Variants in ESD observed in about 807,000 individuals in gnomAD.
ESD encodes the protein esterase D.
A neutral mutation model predicts 38.1 loss-of-function variants in ESD; 34 were observed. The observed-to-expected ratio is 0.89, with a 90% CI of 0.68 to 1.19. The LOEUF is 1.19. Ranked by LOEUF, ESD falls within the 50% of genes most tolerant of loss-of-function variation. ESD has a pLI of 0.00. For synonymous variants in ESD, 97 were observed against 107.0 expected (o/e 0.91, Z 0.58); for missense variants, 334 against 327.2 (o/e 1.02, Z -0.16).
rs528191360 is a variant in ESD, at chr13:46,776,803, T to G, written c.768+653A>C. On this transcript the variant is annotated intron_variant, in intron 9 of 9. Transcript: ENST00000378720. Reference sequence around the variant, plus strand: ...ATAATTTTCAGTGCTCATTTTTCACTCTAAAATATTTTAAATTATATTCTG... The same window carrying G: ...ATAATTTTCAGTGCTCATTTTTCACGCTAAAATATTTTAAATTATATTCTG... 4 of 152,178 alleles carry G rather than the reference T, an allele frequency of 2.6e-5. No individual in the cohort carries two copies. The East Asian group carries it at 7.7e-4, about 29-fold the overall frequency. 9.4% of individuals were successfully genotyped at this position (152,178 alleles called of 1,614,324 possible).
In ESD at chr13:46,784,267, G is replaced by C. The variant is rs147452850; in HGVS notation, c.241C>G (p.Pro81Ala). 5.0e-6 allele frequency: 8 copies of C among 1,611,428 alleles called. No homozygotes were observed. Among genetic ancestry groups the C allele is most frequent in the Non-Finnish European group, 5.9e-6 (7 of 1,178,602 alleles). Residue 81 changes from proline to alanine, a missense_variant, in exon 5 of 10, where the codon CCA (proline) becomes GCA (alanine). Transcript: ENST00000378720. ...ASEHGLVVIA[P>A]DTSPRGCNIK... ...AAACACTTACGAGGGCTGGTATCTG[G>C]AGCAATGACAACAAGACCATGTTCT... is the stretch of plus-strand genomic sequence containing the variant.
rs772298057 is a variant in ESD at position 46,777,526 on chromosome 13, T to A, written c.698A>T (p.Gln233Leu). Residue 233 changes from glutamine (Q) to leucine (L), a missense_variant, in exon 9 of 10, where the codon CAG becomes CTG. By Grantham distance (113) the Gln-to-Leu change is moderately radical. Transcript: ENST00000378720. ...AGCTATGAAGTTATCAGGGAGTAAC[T>A]GTCCATCTAAAAGAAACTGGTCATC... The part of the protein sequence containing the change: ...GKDDQFLLDG[Q>L]LLPDNFIAAC... The A allele has an allele frequency of 6.2e-7, 1 of 1,611,618 alleles. No homozygotes were observed. Among genetic ancestry groups the A allele is most frequent in the Non-Finnish European group, 8.5e-7 (1 of 1,178,342 alleles).
intron 5 of ESD, 82 bp downstream of exon 5, chr13:46,784,170 T>C (rs1167687972): frequency 1.9e-6 from 2 of 1,053,168 alleles, no homozygotes; most frequent in Admixed American, 4.7e-5. Context: ...AAATGAATTG[T>C]ATAATGTATA....
chr13:46,782,789 C>T lies in ESD; in HGVS notation c.259G>A (p.Gly87Ser), dbSNP rs1318896889. Residue 87 changes from glycine to serine, a missense_variant and splice_region_variant, in exon 6 of 10, where the codon GGC becomes AGC. Transcript: ENST00000378720. Reference sequence around the variant, plus strand: ...TCATCTTCACCTTTAATATTGCAGCCACCTATCAAGAAACAATCTTGTGGT... The same window carrying T: ...TCATCTTCACCTTTAATATTGCAGCTACCTATCAAGAAACAATCTTGTGGT... ...VVIAPDTSPR[G>S]CNIKGEDESW... is the part of the protein sequence containing the mutation. The T allele has an allele frequency of 6.2e-7, 1 of 1,611,840 alleles. No homozygotes were observed. The highest frequency in any genetic ancestry group is 1.1e-5 in the South Asian group (1 of 90,962).
At chr13:46,784,064 T>C (rs112314885) in intron 5 of ESD, among the ~76,000 whole-genome samples, 188 bp downstream of exon 5, 21 of 152,138 alleles carry the variant, frequency 1.4e-4, no homozygotes, top group African/African-American at 5.1e-4. Context: ...ATAAAGGCCA[T>C]GTCATGAGTA....
At chr13:46,795,775 C>T (rs1197083021) in intron 1 of ESD, among the ~76,000 whole-genome samples, 4 of 146,024 alleles carry the variant, frequency 2.7e-5, no homozygotes, top group African/African-American at 1.0e-4. Flanking sequence ...TTTTTTGAGA[C>T]AGGGTCAAAC....
At chr13:46,791,564 A>G (rs896832967) in intron 2 of ESD, 144 bp from the exon 3 acceptor site, 16 of 617,246 alleles carry the variant, frequency 2.6e-5, no homozygotes, top group Non-Finnish European at 4.5e-5. Context: ...TCTCCAGTAA[A>G]TAATATTAAG....
At chr13:46,775,887 G>C (rs1469112347) in intron 9 of ESD, 1 of 278,908 alleles carries the variant, frequency 3.6e-6, no homozygotes, top group Admixed American at 5.2e-5. Flanking sequence ...TTCCCTCCAG[G>C]AATGTCATCA....
intron 9 of ESD, among the ~76,000 whole-genome samples, chr13:46,773,783 C>T (rs1319703714): frequency 1.3e-5 from 2 of 152,162 alleles, no homozygotes; most frequent in Non-Finnish European, 2.9e-5. Flanking sequence ...AGCTGAGCCT[C>T]GGAATTACTT....
At chr13:46,790,357 GTC>G (rs1043476577) in intron 3 of ESD, among the ~76,000 whole-genome samples, 87 of 152,140 alleles carry the variant, frequency 5.7e-4, no homozygotes, top group Middle Eastern at 3.4e-3. Flanking sequence ...TTACTGTAAG[GTC>G]TGGTTAGGTT....
intron 5 of ESD, among the ~76,000 whole-genome samples, chr13:46,783,335 TTA>T (rs1472890107): frequency 2.0e-5 from 3 of 152,004 alleles, no homozygotes; most frequent in African/African-American, 7.2e-5. Context: ...TGGAATTTTC[TTA>T]TGTTTCTTTT....
At position 46,784,340 on chromosome 13, in the gene ESD, G is replaced by A; in HGVS notation, c.168C>T (p.Cys56=). 6.2e-7 allele frequency: 1 copy of A among 1,608,908 alleles called. No homozygotes were observed. The highest frequency in any genetic ancestry group is 8.5e-7 in the Non-Finnish European group (1 of 1,177,314). Reference sequence around the variant, plus strand: ...ATTTTGATATAAAATTTTGCTCTGTGCAAGTTAAACCTGAAGATAAAAAAT... The same window carrying A: ...ATTTTGATATAAAATTTTGCTCTGTACAAGTTAAACCTGAAGATAAAAAAT... ...PALYWLSGLT[C]TEQNFISKSG... is the part of the protein sequence containing the mutation. Residue 56 remains cysteine, a synonymous_variant, in exon 5 of 10, where the codon TGC becomes TGT. Coordinates refer to ENST00000378720, the MANE Select transcript of ESD (RefSeq NM_001984.2).
At chr13:46,797,251 C>T (rs1875625497), upstream of ESD, 1 of 152,470 alleles carries the variant, frequency 6.6e-6, no homozygotes, top group African/African-American at 2.4e-5. Flanking sequence ...AGAACCCGCT[C>T]TTCTCCAGTT....
In ESD at chr13:46,774,182, TA is replaced by T. The variant is rs150851700; in HGVS notation, c.769-2687del. ...CATTATTATTAGAGAAGTCCCAAGG[TA>T]AACCCAGGAATATATTGCAAGACAA... On this transcript the variant is annotated intron_variant, in intron 9 of 9. Transcript: ENST00000378720. Among the ~76,000 whole-genome samples the T allele has an allele frequency of 7.7e-3, 1,179 of 152,136 alleles. 42 individuals carry two copies. The highest frequency in any genetic ancestry group is 0.066 in the East Asian group (341 of 5,174).
chr13:46,785,137 GT>G lies in ESD; in HGVS notation c.158-788del, dbSNP rs952212356. Among the ~76,000 whole-genome samples, 82 of 151,902 alleles carry G rather than the reference GT, an allele frequency of 5.4e-4. 1 individual carries two copies. Among genetic ancestry groups the G allele is most frequent in the Non-Finnish European group, 1.0e-4 (7 of 67,900 alleles). ...TGACCATATGCCATCCTTAAATTGA[GT>G]TTTAGCCTCAGTTTTTAGAAGTTTC... On this transcript the variant is annotated intron_variant, in intron 4 of 9. Coordinates refer to ENST00000378720, the MANE Select transcript of ESD (RefSeq NM_001984.2).
At chr13:46,796,047 G>GA (rs1367965748) in intron 1 of ESD, among the ~76,000 whole-genome samples, 6 of 152,070 alleles carry the variant, frequency 3.9e-5, no homozygotes, top group Admixed American at 6.5e-5. Flanking sequence ...AAAAAATATA[G>GA]CATCTATAAA....
chr13:46,788,439 C>T (rs1039609485), intron 3 of ESD, among the ~76,000 whole-genome samples: 1 of 152,004 alleles, frequency 6.6e-6, no homozygotes, highest in South Asian at 2.1e-4. Flanking sequence ...AATCCATATT[C>T]AATGCAGGGA....
intron 5 of ESD, 141 bp from the exon 6 acceptor site, chr13:46,782,932 A>T: frequency 9.6e-7 from 1 of 1,037,874 alleles, no homozygotes; most frequent in Non-Finnish European, 1.4e-6. Context: ...TTTGGAGCAC[A>T]TGATAGGATT....
intron 8 of ESD, 90 bp downstream of exon 8, chr13:46,779,845 A>G: frequency 1.2e-6 from 1 of 837,230 alleles, no homozygotes; most frequent in Admixed American, 2.8e-5. Flanking sequence ...GAGCCCTAAC[A>G]TGAGCAGGGT....
Sources: gnomAD v4.1 joint callset for allele counts (sites outside exome capture counted in the v4.1 genomes callset) on GRCh38, gnomAD v4.1.1 for gene constraint, MANE v1.5 for transcripts, NCBI Gene and HGNC (gene_info 2026-07-23, HGNC 2026-07-21) for gene names.